ARHGAP6: variants seen among roughly 807,000 people sequenced by gnomAD.
ARHGAP6 encodes the protein Rho GTPase activating protein 6.
A neutral mutation model predicts 55.7 loss-of-function variants in ARHGAP6; 16 were observed. The ratio of observed to expected loss-of-function variants is 0.29; its 90% CI spans 0.19 to 0.44. The LOEUF (loss-of-function observed/expected upper bound fraction) is 0.44, where lower values mean the gene tolerates loss of function less well. ARHGAP6 is among the 20% of genes least tolerant of loss of function. ARHGAP6 has a pLI of 1.00. For synonymous variants in ARHGAP6, 382 were observed against 360.9 expected, an observed-to-expected ratio of 1.06 and a Z score of -0.66; for missense variants, 698 against 808.9, an observed-to-expected ratio of 0.86 and a Z score of 1.66.
chrX:11,287,613 C>A (rs1385827914), intron 1 of ARHGAP6, among the ~76,000 whole-genome samples: 5 of 111,944 alleles, frequency 4.5e-5, no homozygotes, highest in African/African-American at 1.6e-4. Flanking sequence ...TCTCTGTTCC[C>A]AACAGCCCAT....
intron 1 of ARHGAP6, among the ~76,000 whole-genome samples, chrX:11,593,517 G>A (rs977280565): frequency 8.9e-6 from 1 of 111,929 alleles, no homozygotes; most frequent in African/African-American, 3.2e-5. Flanking sequence ...GTGGACACGT[G>A]TTATACATTT....
intron 2 of ARHGAP6, among the ~76,000 whole-genome samples, chrX:11,214,632 C>G (rs1370312365): frequency 8.8e-6 from 1 of 113,377 alleles, no homozygotes; most frequent in East Asian, 2.8e-4. Flanking sequence ...CAGAAAGCCA[C>G]CCTCTCCCTG....
chrX:11,365,825 G>C (rs1400169693), intron 1 of ARHGAP6, among the ~76,000 whole-genome samples: 1 of 112,057 alleles, frequency 8.9e-6, no homozygotes, highest in Non-Finnish European at 1.9e-5. Flanking sequence ...TAAAAAATGG[G>C]AGAGGAATAC....
intron 1 of ARHGAP6, among the ~76,000 whole-genome samples, chrX:11,506,238 A>G (rs5935087): frequency 0.019 from 2,141 of 110,871 alleles, 28 homozygotes; most frequent in Middle Eastern, 0.057. Flanking sequence ...AAGACAGTAC[A>G]TAGTCTCCTT....
At chrX:11,386,829 G>A (rs1156881185) in intron 1 of ARHGAP6, among the ~76,000 whole-genome samples, 1 of 112,080 alleles carries the variant, frequency 8.9e-6, no homozygotes, top group African/African-American at 3.2e-5. Flanking sequence ...AGAGGCAAGT[G>A]ATGGTGGTAA....
intron 1 of ARHGAP6, among the ~76,000 whole-genome samples, chrX:11,519,534 T>C (rs1171480272): frequency 4.7e-4 from 52 of 111,188 alleles, no homozygotes; most frequent in African/African-American, 1.7e-3. Context: ...GCCAAGTCAA[T>C]CCTAAGCCAA....
intron 1 of ARHGAP6, among the ~76,000 whole-genome samples, chrX:11,260,850 A>G (rs1045053643): frequency 3.6e-5 from 4 of 111,871 alleles, no homozygotes; most frequent in Non-Finnish European, 7.5e-5. Context: ...GATTAGGGTC[A>G]TGTAGTGCCC....
chrX:11,472,204 C>T (rs1199294555), intron 1 of ARHGAP6, among the ~76,000 whole-genome samples: 1 of 111,363 alleles, frequency 9.0e-6, no homozygotes, highest in African/African-American at 3.3e-5. Context: ...CCCTGGTCTC[C>T]ACCCACTAGA....
chrX:11,605,850 G>T (rs772193214), intron 1 of ARHGAP6, among the ~76,000 whole-genome samples: 1 of 109,816 alleles, frequency 9.1e-6, no homozygotes, highest in Non-Finnish European at 1.9e-5. Context: ...TATGATCTCG[G>T]TAATGGGTAG....
chrX:11,174,548 TCCTTCC>T, intron 8 of ARHGAP6, among the ~76,000 whole-genome samples: 1 of 79,402 alleles, frequency 1.3e-5, no homozygotes, highest in South Asian at 8.0e-4. Context: ...CTTCCTTCCT[TCCTTCC>T]TTCCTTCCTT....
chrX:11,210,072 C>T (rs1375891844), intron 2 of ARHGAP6, among the ~76,000 whole-genome samples: 1 of 112,558 alleles, frequency 8.9e-6, no homozygotes, highest in Non-Finnish European at 1.9e-5. Context: ...GACCATCCCT[C>T]AAAGTTATAA....
chrX:11,589,223 G>A (rs1286686606), intron 1 of ARHGAP6, among the ~76,000 whole-genome samples: 1 of 106,933 alleles, frequency 9.4e-6, no homozygotes, highest in Non-Finnish European at 1.9e-5. Flanking sequence ...TGTATTTTTA[G>A]TGGAGACGGG....
chrX:11,618,773 C>G (rs1256366110), intron 1 of ARHGAP6, among the ~76,000 whole-genome samples: 1 of 112,466 alleles, frequency 8.9e-6, no homozygotes, highest in Non-Finnish European at 1.9e-5. Context: ...TGTTGAGATT[C>G]TGACATAAAA....
chrX:11,362,467 G>T (rs1290437137), intron 1 of ARHGAP6, among the ~76,000 whole-genome samples: 3 of 109,527 alleles, frequency 2.7e-5, no homozygotes, highest in African/African-American at 1.0e-4. Context: ...AAAACACATG[G>T]ACACAGGAAG....
At chrX:11,408,838 G>T (rs771611194) in intron 1 of ARHGAP6, among the ~76,000 whole-genome samples, 2 of 110,017 alleles carry the variant, frequency 1.8e-5, no homozygotes, top group African/African-American at 6.6e-5. Flanking sequence ...GTGTCCAAAA[G>T]GCTGTAACAC....
At chrX:11,367,819 C>CA (rs1487527472) in intron 1 of ARHGAP6, 24 of 751,008 alleles carry the variant, frequency 3.2e-5, no homozygotes, top group Middle Eastern at 7.5e-4. Context: ...GCAGGCACAT[C>CA]TGCTTCTCCA....
intron 1 of ARHGAP6, among the ~76,000 whole-genome samples, chrX:11,523,119 A>G (rs2050950970): frequency 8.9e-6 from 1 of 111,928 alleles, no homozygotes; most frequent in African/African-American, 3.2e-5. Flanking sequence ...TATAAACAGA[A>G]CCAAAGACAA....
chrX:11,589,468 A>T (rs748485920), intron 1 of ARHGAP6, among the ~76,000 whole-genome samples: 1 of 107,306 alleles, frequency 9.3e-6, no homozygotes, highest in South Asian at 4.3e-4. Context: ...GCATGGAAAG[A>T]CACATACTAT....
chrX:11,150,437 T>C (rs1602734407), intron 10 of ARHGAP6, among the ~76,000 whole-genome samples: 2 of 111,323 alleles, frequency 1.8e-5, no homozygotes, highest in South Asian at 7.5e-4. Flanking sequence ...TATTTTTTTT[T>C]CCCAGAACAT....
Sources: gnomAD v4.1 joint callset for allele counts (sites outside exome capture counted in the v4.1 genomes callset) on GRCh38, gnomAD v4.1.1 for gene constraint, MANE v1.5 for transcripts, NCBI Gene and HGNC (gene_info 2026-07-23, HGNC 2026-07-21) for gene names.